PACRG: variants seen among roughly 807,000 people sequenced by gnomAD.
The protein encoded by PACRG is parkin coregulated gene protein.
A neutral mutation model predicts 29.7 loss-of-function variants in PACRG; 29 were observed. The observed-to-expected ratio is 0.98, with a 90% CI of 0.73 to 1.33. The LOEUF (loss-of-function observed/expected upper bound fraction) is 1.33, where lower values mean the gene tolerates loss of function less well. Ranked by LOEUF, PACRG falls within the 40% of genes most tolerant of loss-of-function variation. The pLI, the probability that PACRG is intolerant of heterozygous loss-of-function variation, is 0.00. For missense variants in PACRG, 279 were observed against 316.2 expected (o/e 0.88, Z 0.89); for synonymous variants, 116 against 118.7 (o/e 0.98, Z 0.15).
At chr6:163,032,106 T>A (rs992541030) in intron 2 of PACRG, among the ~76,000 whole-genome samples, 1 of 152,200 alleles carries the variant, frequency 6.6e-6, no homozygotes, top group African/African-American at 2.4e-5. Flanking sequence ...AGAAATCAGA[T>A]AGAGAGAAAC....
At chr6:162,910,749 A>G (rs529438626) in intron 2 of PACRG, among the ~76,000 whole-genome samples, 3 of 152,336 alleles carry the variant, frequency 2.0e-5, no homozygotes, top group Admixed American at 1.3e-4. Context: ...TTACCTAAAT[A>G]GAGGCAGTGG....
At chr6:163,272,892 C>CTTTTTTTTTTTG (rs1783887438) in intron 4 of PACRG, among the ~76,000 whole-genome samples, 1 of 109,480 alleles carries the variant, frequency 9.1e-6, no homozygotes, top group Non-Finnish European at 1.8e-5. Context: ...ATGCATCATT[C>CTTTTTTTTTTTG]TTTTTTTTTT....
chr6:162,953,955 A>G (rs1799839842), intron 2 of PACRG, among the ~76,000 whole-genome samples: 2 of 152,232 alleles, frequency 1.3e-5, no homozygotes, highest in Admixed American at 6.5e-5. Context: ...ATATTAATGT[A>G]GAATACCAAT....
At chr6:162,869,052 G>A (rs539766806) in intron 2 of PACRG, among the ~76,000 whole-genome samples, 2 of 152,278 alleles carry the variant, frequency 1.3e-5, no homozygotes, top group Admixed American at 1.3e-4. Flanking sequence ...CTGTGCTGCT[G>A]GTGACGATGG....
At chr6:162,870,072 A>G (rs1792669847) in intron 2 of PACRG, among the ~76,000 whole-genome samples, 1 of 152,186 alleles carries the variant, frequency 6.6e-6, no homozygotes, top group African/African-American at 2.4e-5. Flanking sequence ...GGCTTCTGAG[A>G]TGGAATGGAG....
intron 2 of PACRG, among the ~76,000 whole-genome samples, chr6:162,929,107 A>G (rs2128103982): frequency 1.3e-5 from 2 of 152,180 alleles, no homozygotes; most frequent in South Asian, 4.1e-4. Context: ...TAATATATTG[A>G]TTCCCTTTCT....
At chr6:163,269,793 A>AAAGAAAGG (rs1783671180) in intron 4 of PACRG, among the ~76,000 whole-genome samples, 1 of 81,432 alleles carries the variant, frequency 1.2e-5, no homozygotes, top group African/African-American at 4.5e-5. Flanking sequence ...AGAAAGAAAG[A>AAAGAAAGG]AAGGAAGGAA....
At chr6:162,912,898 G>A (rs1227128660) in intron 2 of PACRG, among the ~76,000 whole-genome samples, 1 of 148,316 alleles carries the variant, frequency 6.7e-6, no homozygotes, top group African/African-American at 2.5e-5. Flanking sequence ...AAATACATGT[G>A]TAGTAAAATC....
intron 2 of PACRG, among the ~76,000 whole-genome samples, chr6:162,893,209 T>G (rs1794917471): frequency 6.6e-6 from 1 of 152,270 alleles, no homozygotes; most frequent in South Asian, 2.1e-4. Context: ...CTTAACTGAC[T>G]GCTGGCTCTC....
chr6:162,892,462 T>C (rs1794836972), intron 2 of PACRG, among the ~76,000 whole-genome samples: 1 of 152,204 alleles, frequency 6.6e-6, no homozygotes, highest in Non-Finnish European at 1.5e-5. Context: ...TAGATCTATT[T>C]TGAAAATTTG....
intron 1 of PACRG, among the ~76,000 whole-genome samples, chr6:162,738,587 C>T (rs1012201154): frequency 2.0e-5 from 3 of 152,148 alleles, no homozygotes; most frequent in African/African-American, 7.2e-5. Context: ...CAAGCCCAAT[C>T]TTTGTAGATC....
intron 2 of PACRG, 61 bp from the exon 3 acceptor site, chr6:163,062,089 G>C: frequency 6.4e-7 from 1 of 1,563,054 alleles, no homozygotes. Context: ...TGCATAGCTT[G>C]TCTGCCGTGC....
At position 162,942,842 on chromosome 6, in the gene PACRG, C is replaced by G. The variant is rs191729584; in HGVS notation, c.292-119308C>G. ...AGGTATCTGGTACTTGCCTCCTCCACAAAGAAGAACCAAAATAGTGAGTAG... is the reference window on the plus strand; with the variant it reads ...AGGTATCTGGTACTTGCCTCCTCCAGAAAGAAGAACCAAAATAGTGAGTAG... On this transcript the variant is annotated intron_variant, in intron 2 of 4. Coordinates refer to ENST00000366888, the MANE Select transcript of PACRG (RefSeq NM_001080379.2). 1.1e-4 allele frequency among the ~76,000 whole-genome samples: 16 copies of G among 152,094 alleles called. No individual in the cohort carries two copies. In the East Asian group the frequency reaches 2.9e-3, roughly 28 times the overall value.
chr6:163,187,765 T>G (rs560571051), intron 4 of PACRG: 1 of 152,584 alleles, frequency 6.6e-6, no homozygotes, highest in African/African-American at 2.4e-5. Flanking sequence ...GAGTCAGGAC[T>G]CTCCTCCAGC....
intron 2 of PACRG, among the ~76,000 whole-genome samples, chr6:162,989,281 C>T (rs1803196982): frequency 6.6e-6 from 1 of 152,166 alleles, no homozygotes. Context: ...GAAGAGGAAA[C>T]TTCCTAAGTT....
chr6:163,036,402 A>C (rs567319305), intron 2 of PACRG, among the ~76,000 whole-genome samples: 1 of 152,310 alleles, frequency 6.6e-6, no homozygotes, highest in Non-Finnish European at 1.5e-5. Context: ...ATAACACATA[A>C]CCCTGGAATG....
At chr6:163,106,001 T>A (rs1323770648) in intron 4 of PACRG, among the ~76,000 whole-genome samples, 2 of 152,286 alleles carry the variant, frequency 1.3e-5, no homozygotes, top group Middle Eastern at 3.4e-3. Context: ...TTAACTGTCT[T>A]AAAAATGGCT....
intron 4 of PACRG, among the ~76,000 whole-genome samples, chr6:163,176,517 A>T (rs753950644): frequency 6.6e-5 from 10 of 152,224 alleles, no homozygotes; most frequent in Non-Finnish European, 1.3e-4. Context: ...TACCAGGCTA[A>T]AAAGCATTGT....
intron 4 of PACRG, among the ~76,000 whole-genome samples, chr6:163,313,453 A>G (rs1395483456): frequency 2.0e-5 from 3 of 152,156 alleles, no homozygotes; most frequent in African/African-American, 7.2e-5. Flanking sequence ...AAGCAAAAGA[A>G]CTGCTTCCCT....
Sources: allele counts gnomAD v4.1 joint callset (sites outside exome capture counted in the v4.1 genomes callset), GRCh38; gene constraint gnomAD v4.1.1; transcripts MANE v1.5; gene names NCBI Gene and HGNC (gene_info 2026-07-23, HGNC 2026-07-21).